The following EIF3CL variants were observed in gnomAD, a reference collection of about 807,000 sequenced individuals.
EIF3CL encodes eukaryotic translation initiation factor 3 subunit C like.
For missense variants in EIF3CL, 5 were observed against 56.1 expected (o/e 0.09, Z 2.91); for synonymous variants, 2 against 19.6 (o/e 0.10, Z 2.37).
At chr16:28,417,872 CAAA>C in the EIF3CL span, among the ~76,000 whole-genome samples, 17,642 of 109,318 alleles carry the variant, frequency 0.16, 15 homozygotes, top group South Asian at 0.28. Context: ...TTTAGGAATG[CAAA>C]AAAAAAAAAA....
At chr16:28,382,253 G>A (rs1157515338) in intron 16 of EIF3CL, among the ~76,000 whole-genome samples, 2 of 86,996 alleles carry the variant, frequency 2.3e-5, no homozygotes, top group Non-Finnish European at 5.3e-5. Context: ...CAAGTTTAGG[G>A]GCTCAAAGAA....
chr16:28,419,009 A>T, the EIF3CL span, among the ~76,000 whole-genome samples: 12 of 145,660 alleles, frequency 8.2e-5, no homozygotes, highest in Non-Finnish European at 1.4e-4. Context: ...CTGTCTTTTT[A>T]AAATTTTTTT....
chr16:28,391,927 C>T, intron 9 of EIF3CL, 53 bp downstream of exon 9: 3 of 656,416 alleles, frequency 4.6e-6, no homozygotes, highest in Non-Finnish European at 8.1e-6. Context: ...ACAAGGGGAC[C>T]TTTATGTCCT....
chr16:28,418,719 T>C, the EIF3CL span, among the ~76,000 whole-genome samples: 2 of 151,770 alleles, frequency 1.3e-5, no homozygotes, highest in Non-Finnish European at 2.9e-5. Context: ...AGCCTCTGCC[T>C]CCCAGGTTCA....
the EIF3CL span, among the ~76,000 whole-genome samples, chr16:28,417,299 A>AC: frequency 6.8e-6 from 1 of 147,528 alleles, no homozygotes; most frequent in African/African-American, 2.5e-5. Context: ...ACCGGCCACC[A>AC]CCCCGTCTGG....
chr16:28,417,338 G>C, the EIF3CL span, among the ~76,000 whole-genome samples: 2 of 144,360 alleles, frequency 1.4e-5, no homozygotes, highest in East Asian at 4.1e-4. Flanking sequence ...CATTGAGAAC[G>C]GGCCAGGATG....
the EIF3CL span, among the ~76,000 whole-genome samples, chr16:28,416,773 C>A: frequency 3.9e-5 from 4 of 101,714 alleles, no homozygotes; most frequent in Non-Finnish European, 6.5e-5. Flanking sequence ...TCAGCCCCCC[C>A]ACCCGGCCAG....
the EIF3CL span, among the ~76,000 whole-genome samples, chr16:28,417,919 T>C: frequency 1.5e-5 from 2 of 129,930 alleles, no homozygotes; most frequent in East Asian, 4.9e-4. Flanking sequence ...GGCGCATGCC[T>C]GTAATCCTAG....
At chr16:28,417,909 G>A in the EIF3CL span, among the ~76,000 whole-genome samples, 2 of 140,314 alleles carry the variant, frequency 1.4e-5, no homozygotes, top group African/African-American at 2.5e-5. Context: ...CAGGCGTGGT[G>A]GCGCATGCCT....
intron 16 of EIF3CL, among the ~76,000 whole-genome samples, chr16:28,382,160 A>C (rs1399863700): frequency 1.6e-5 from 1 of 62,088 alleles, no homozygotes. Context: ...CAGTGAGCTG[A>C]GACTGCGCCA....
At chr16:28,423,794 CATAT>C in the EIF3CL span, among the ~76,000 whole-genome samples, 2 of 97,620 alleles carry the variant, frequency 2.0e-5, no homozygotes, top group African/African-American at 6.6e-5. Context: ...TTTTCTGCTC[CATAT>C]ATATATATAA....
At chr16:28,422,829 T>C in the EIF3CL span, among the ~76,000 whole-genome samples, 2 of 113,142 alleles carry the variant, frequency 1.8e-5, no homozygotes, top group African/African-American at 3.5e-5. Context: ...AGAGTGAGAC[T>C]CAGTCTCAAA....
chr16:28,412,279 T>C, the EIF3CL span, among the ~76,000 whole-genome samples: 1 of 15,636 alleles, frequency 6.4e-5, no homozygotes, highest in Non-Finnish European at 1.1e-4. Context: ...TTTTTTTTTT[T>C]TTTTTTTTTT....
At chr16:28,412,342 G>A in the EIF3CL span, among the ~76,000 whole-genome samples, 151 of 2,322 alleles carry the variant, frequency 0.065, 40 homozygotes, top group African/African-American at 0.44. Flanking sequence ...GGTGCAGCTC[G>A]CTGCAACCTT....
chr16:28,418,613 A>G, the EIF3CL span, among the ~76,000 whole-genome samples: 4 of 137,224 alleles, frequency 2.9e-5, no homozygotes, highest in Non-Finnish European at 6.4e-5. Context: ...CAACCAGCAT[A>G]TGCTAAACGC....
At chr16:28,425,375 TGAG>T in the EIF3CL span, among the ~76,000 whole-genome samples, 1 of 54,554 alleles carries the variant, frequency 1.8e-5, no homozygotes, top group Non-Finnish European at 3.7e-5. Flanking sequence ...CGCAGTGCAC[TGAG>T]AAGAATCCGT....
the EIF3CL span, among the ~76,000 whole-genome samples, chr16:28,415,784 T>A: frequency 3.0e-5 from 4 of 134,580 alleles, 1 homozygote; most frequent in Admixed American, 1.6e-4. Flanking sequence ...ACATTTCCTA[T>A]TTTCATGCCC....
the EIF3CL span, among the ~76,000 whole-genome samples, chr16:28,417,123 C>CCCGGT: frequency 7.5e-6 from 1 of 132,974 alleles, no homozygotes; most frequent in Non-Finnish European, 1.7e-5. Context: ...CGGCCAGCCG[C>CCCGGT]CCGGTCCGGG....
At chr16:28,417,547 T>G in the EIF3CL span, among the ~76,000 whole-genome samples, 1 of 112,176 alleles carries the variant, frequency 8.9e-6, no homozygotes, top group African/African-American at 3.2e-5. Flanking sequence ...AAACATGTGC[T>G]GTGTCCACTC....
Sources: allele counts gnomAD v4.1 joint callset (sites outside exome capture counted in the v4.1 genomes callset), GRCh38; gene constraint gnomAD v4.1.1; transcripts MANE v1.5; gene names NCBI Gene and HGNC (gene_info 2026-07-23, HGNC 2026-07-21).